PCDH15: variants seen among roughly 807,000 people sequenced by gnomAD.
PCDH15 encodes protocadherin related 15.
PCDH15 carries 129 observed loss-of-function variants against 178.5 expected under a neutral mutation model. That is an observed-to-expected ratio of 0.72 (90% CI 0.63 to 0.84). The LOEUF is 0.84. PCDH15 is among the 40% of genes least tolerant of loss of function. The probability of loss-of-function intolerance (pLI) is 0.00; values close to 1 mark genes in which losing one functional copy is unlikely to be tolerated. For synonymous variants in PCDH15, 800 were observed against 732.0 expected, an observed-to-expected ratio of 1.09 and a Z score of -1.50; for missense variants, 2,230 against 2,099.9, an observed-to-expected ratio of 1.06 and a Z score of -1.21.
chr10:55,018,430 C>T (rs539271216), intron 2 of PCDH15, among the ~76,000 whole-genome samples: 2 of 152,146 alleles, frequency 1.3e-5, no homozygotes, highest in African/African-American at 2.4e-5. Context: ...ACAATGAAGA[C>T]ATTTTGTAAT....
chr10:54,547,203 A>G (rs1389987743), intron 2 of PCDH15, among the ~76,000 whole-genome samples: 1 of 152,164 alleles, frequency 6.6e-6, no homozygotes, highest in Non-Finnish European at 1.5e-5. Context: ...GATACAATAA[A>G]ATAGATGAAG....
chr10:54,932,534 A>C (rs1180170672), intron 2 of PCDH15, among the ~76,000 whole-genome samples: 2 of 152,182 alleles, frequency 1.3e-5, no homozygotes, highest in Non-Finnish European at 2.9e-5. Flanking sequence ...TTATAAGTTT[A>C]GTGTCACCTA....
chr10:54,165,777 T>C (rs1349545707), intron 13 of PCDH15, among the ~76,000 whole-genome samples: 1 of 152,208 alleles, frequency 6.6e-6, no homozygotes, highest in Non-Finnish European at 1.5e-5. Flanking sequence ...AAGGTAGCCA[T>C]CTTAAATTAA....
rs1249509619 is a variant in PCDH15 at position 53,932,147 on chromosome 10, C to T, written c.3373+6668G>A. Among the ~76,000 whole-genome samples the T allele has an allele frequency of 2.0e-5, 3 of 152,326 alleles. No homozygotes were observed. In the East Asian group the frequency reaches 5.8e-4, roughly 29 times the overall value. On this transcript the variant is annotated intron_variant, in intron 25 of 37. Transcript: ENST00000644397. Reference sequence around the variant, plus strand: ...GCTTTTCTTCAGCAACTTCAGTTTGCCAGCATACTTCAGTTAATTCCAGTT... The same window carrying T: ...GCTTTTCTTCAGCAACTTCAGTTTGTCAGCATACTTCAGTTAATTCCAGTT...
At chr10:54,278,962 CATGAT>C (rs758238320) in intron 8 of PCDH15, among the ~76,000 whole-genome samples, 29 of 151,490 alleles carry the variant, frequency 1.9e-4, no homozygotes, top group Non-Finnish European at 3.1e-4. Context: ...AAAAAGTATA[CATGAT>C]ATTATACAAT....
intron 13 of PCDH15, among the ~76,000 whole-genome samples, chr10:54,169,868 T>C (rs376790462): frequency 1.9e-4 from 29 of 151,884 alleles, no homozygotes; most frequent in Middle Eastern, 6.8e-3. Context: ...TAAAACCAGA[T>C]AAGCCTTACA....
chr10:54,853,289 GTATATA>G lies in PCDH15; in HGVS notation c.-29+44155_-29+44160del, dbSNP rs71014423. On this transcript the variant is annotated intron_variant, in intron 3 of 5. Coordinates refer to the PCDH15 transcript ENST00000458638. ...TATATATATATGTGTATGTATGTGT[GTATATA>G]TATATATATATATATATATATATAC... is the stretch of plus-strand genomic sequence containing the variant. 2.2e-3 allele frequency among the ~76,000 whole-genome samples: 227 copies of G among 102,544 alleles called. 3 individuals are homozygous for G. Among genetic ancestry groups the G allele is most frequent in the African/African-American group, 7.3e-3 (189 of 25,886 alleles). 67.3% of individuals were successfully genotyped at this position (102,544 alleles called of 152,430 possible).
intron 3 of PCDH15, among the ~76,000 whole-genome samples, chr10:54,856,008 A>G (rs1953735000): frequency 1.3e-5 from 2 of 152,232 alleles, no homozygotes. Flanking sequence ...GAGGAATAGA[A>G]ACAGTATCAA....
At position 55,048,802 on chromosome 10, in the gene PCDH15, G is replaced by A. The variant is rs564584349; in HGVS notation, c.-80+117774C>T. 5.3e-5 allele frequency among the ~76,000 whole-genome samples: 8 copies of A among 151,350 alleles called. No homozygotes were observed. The South Asian group carries it at 1.7e-3, about 32-fold the overall frequency. Reference sequence around the variant, plus strand: ...AGCATTTGTATTATTTCAGTTTTTGGCACAGCTTAATTTTTATTCATTTCA... The same window carrying A: ...AGCATTTGTATTATTTCAGTTTTTGACACAGCTTAATTTTTATTCATTTCA... On this transcript the variant is annotated intron_variant, in intron 2 of 5. Coordinates refer to the PCDH15 transcript ENST00000458638.
chr10:54,647,830 T>C (rs1372148677), intron 2 of PCDH15, among the ~76,000 whole-genome samples: 1 of 152,086 alleles, frequency 6.6e-6, no homozygotes, highest in African/African-American at 2.4e-5. Context: ...GTGGTGAATG[T>C]TTTTATCATA....
intron 2 of PCDH15, among the ~76,000 whole-genome samples, chr10:55,551,149 G>A (rs1021974657): frequency 2.0e-5 from 3 of 152,010 alleles, no homozygotes; most frequent in African/African-American, 7.2e-5. Context: ...ATTATACTAA[G>A]AATAGTGTCA....
At chr10:54,664,909 TAA>T (rs759609948) in intron 1 of PCDH15, among the ~76,000 whole-genome samples, 101 of 126,112 alleles carry the variant, frequency 8.0e-4, no homozygotes, top group Non-Finnish European at 8.4e-4. Flanking sequence ...CCCAGCAAGT[TAA>T]AAAAAAAAAA....
At chr10:54,884,031 C>A (rs1336279449) in intron 3 of PCDH15, among the ~76,000 whole-genome samples, 2 of 151,880 alleles carry the variant, frequency 1.3e-5, no homozygotes, top group East Asian at 3.9e-4. Flanking sequence ...TTAGTTAACT[C>A]ATTATGTGGA....
At chr10:54,141,065 T>C (rs1403211700) in intron 14 of PCDH15, among the ~76,000 whole-genome samples, 1 of 151,294 alleles carries the variant, frequency 6.6e-6, no homozygotes, top group Non-Finnish European at 1.5e-5. Flanking sequence ...TTTATATGTA[T>C]ACATATACAC....
chr10:54,353,197 T>A (rs764110226), intron 5 of PCDH15, among the ~76,000 whole-genome samples: 3 of 152,178 alleles, frequency 2.0e-5, no homozygotes, highest in Non-Finnish European at 2.9e-5. Context: ...ACATTTGTTT[T>A]ATTCAACCAT....
intron 2 of PCDH15, among the ~76,000 whole-genome samples, chr10:55,451,845 A>T (rs951706399): frequency 6.6e-6 from 1 of 152,200 alleles, no homozygotes; most frequent in Non-Finnish European, 1.5e-5. Flanking sequence ...TGATTATCTG[A>T]TTGTTTCTAA....
At chr10:55,354,759 CATAAA>C (rs1301249033) in intron 2 of PCDH15, among the ~76,000 whole-genome samples, 2 of 151,902 alleles carry the variant, frequency 1.3e-5, no homozygotes, top group African/African-American at 4.8e-5. Context: ...TTTAAATTAA[CATAAA>C]ATAAAATATT....
At chr10:53,875,124 C>G (rs971669242) in intron 26 of PCDH15, among the ~76,000 whole-genome samples, 2 of 151,218 alleles carry the variant, frequency 1.3e-5, no homozygotes, top group Non-Finnish European at 2.9e-5. Flanking sequence ...AGAGAGAAAG[C>G]GAGAATAGAA....
chr10:55,600,059 T>C (rs11004929), intron 2 of PCDH15: 302,032 of 935,724 alleles, frequency 0.32, 51,550 homozygotes, highest in East Asian at 0.51. Context: ...GTATCATCCC[T>C]GCATTAAAAA....
Sources: gnomAD v4.1 joint callset for allele counts (sites outside exome capture counted in the v4.1 genomes callset) on GRCh38, gnomAD v4.1.1 for gene constraint, MANE v1.5 for transcripts, NCBI Gene and HGNC (gene_info 2026-07-23, HGNC 2026-07-21) for gene names.